Variants in GRB10 observed in about 807,000 individuals in gnomAD.
GRB10 encodes the protein growth factor receptor bound protein 10.
A neutral mutation model predicts 80.9 loss-of-function variants in GRB10; 20 were observed. That is an observed-to-expected ratio of 0.25 (90% CI 0.17 to 0.36). GRB10 has a LOEUF of 0.36. Ranked by LOEUF, GRB10 falls within the 10% of genes least tolerant of loss-of-function variation. GRB10 has a pLI of 1.00. For missense variants in GRB10, 548 were observed against 747.7 expected, an observed-to-expected ratio of 0.73 and a Z score of 3.12; for synonymous variants, 291 against 291.5, an observed-to-expected ratio of 1.00 and a Z score of 0.02.
rs774023350 is a variant in GRB10 at position 50,614,814 on chromosome 7, T to G, written c.1051A>C (p.Arg351=). 2.5e-6 allele frequency: 4 copies of G among 1,614,094 alleles called. No individual in the cohort carries two copies. The South Asian group carries it at 4.4e-5, about 18-fold the overall frequency. Residue 351 remains arginine, a synonymous_variant, in exon 12 of 19, where the codon AGG becomes CGG. Coordinates refer to ENST00000401949, the MANE Select transcript of GRB10 (RefSeq NM_001350814.2). ...DSNIFSLIAG[R]KQYNAPTDHG... is the part of the protein sequence containing the mutation. ...TCTGTAGGGGCGTTGTACTGCTTCCTGCCAGCGATCAGGGAGAAGATGTTG... is the reference window on the plus strand; with the variant it reads ...TCTGTAGGGGCGTTGTACTGCTTCCGGCCAGCGATCAGGGAGAAGATGTTG...
At chr7:50,637,549 G>A (rs964644091) in intron 7 of GRB10, among the ~76,000 whole-genome samples, 6 of 152,038 alleles carry the variant, frequency 3.9e-5, no homozygotes, top group African/African-American at 1.5e-4. Flanking sequence ...AATCATAGAT[G>A]GCACAAACAA....
intron 5 of GRB10, among the ~76,000 whole-genome samples, chr7:50,688,287 A>G (rs1245196792): frequency 1.3e-5 from 2 of 152,242 alleles, no homozygotes; most frequent in Non-Finnish European, 2.9e-5. Context: ...TAAGGAACAT[A>G]AACTGCAAAG....
intron 10 of GRB10, chr7:50,617,865 C>G (rs773477928): frequency 2.8e-4 from 176 of 622,148 alleles, no homozygotes; most frequent in Non-Finnish European, 4.6e-4. Context: ...TTAGAAGGAA[C>G]CCAGCTACAC....
At chr7:50,775,418 T>G (rs895577326) in intron 2 of GRB10, among the ~76,000 whole-genome samples, 1 of 152,156 alleles carries the variant, frequency 6.6e-6, no homozygotes, top group African/African-American at 2.4e-5. Flanking sequence ...ACAGCCCTCA[T>G]AGCAGCTCTC....
chr7:50,768,668 T>C (rs2076635658), intron 2 of GRB10, among the ~76,000 whole-genome samples: 2 of 152,206 alleles, frequency 1.3e-5, no homozygotes, highest in South Asian at 4.1e-4. Context: ...CTTCACCCAT[T>C]GGTCAAGATC....
At chr7:50,628,714 G>C (rs1480250723) in intron 7 of GRB10, among the ~76,000 whole-genome samples, 1 of 152,100 alleles carries the variant, frequency 6.6e-6, no homozygotes, top group East Asian at 1.9e-4. Flanking sequence ...CCACCTACGG[G>C]CCACTTCTCC....
At chr7:50,756,107 G>A (rs1352630965) in intron 2 of GRB10, 51 bp from the exon 3 acceptor site, 4 of 398,454 alleles carry the variant, frequency 1.0e-5, no homozygotes, top group Non-Finnish European at 1.8e-5. Context: ...TTATACAAAT[G>A]AACTTATACT....
At chr7:50,621,061 G>A (rs916318117) in intron 8 of GRB10, among the ~76,000 whole-genome samples, 3 of 152,196 alleles carry the variant, frequency 2.0e-5, no homozygotes, top group African/African-American at 7.2e-5. Flanking sequence ...CAAAGCGAAG[G>A]GCATTTTGTC....
At chr7:50,749,931 C>T (rs1348774401) in intron 3 of GRB10, among the ~76,000 whole-genome samples, 1 of 152,256 alleles carries the variant, frequency 6.6e-6, no homozygotes, top group Non-Finnish European at 1.5e-5. Context: ...ATTCCTCCAT[C>T]TTCCTTTAAT....
At chr7:50,722,053 C>T (rs541542672) in intron 4 of GRB10, among the ~76,000 whole-genome samples, 49 of 152,314 alleles carry the variant, frequency 3.2e-4, no homozygotes, top group African/African-American at 1.0e-3. Flanking sequence ...GCTGAGGAGG[C>T]TGGCCCGGTC....
chr7:50,669,350 G>A (rs1240013929), intron 7 of GRB10, among the ~76,000 whole-genome samples: 8 of 152,172 alleles, frequency 5.3e-5, no homozygotes, highest in Non-Finnish European at 5.9e-5. Context: ...AGGAACTGGC[G>A]TCTCGCACAG....
chr7:50,727,433 C>G (rs1390465680), intron 4 of GRB10, among the ~76,000 whole-genome samples: 1 of 152,164 alleles, frequency 6.6e-6, no homozygotes, highest in Non-Finnish European at 1.5e-5. Context: ...GTCTGCCAAT[C>G]AACTGTTCAT....
At chr7:50,749,560 T>C (rs937327379) in intron 3 of GRB10, among the ~76,000 whole-genome samples, 4 of 152,238 alleles carry the variant, frequency 2.6e-5, no homozygotes, top group Non-Finnish European at 5.9e-5. Context: ...CTTCTATAAA[T>C]AATCTCCAGG....
At chr7:50,716,478 A>G (rs780170246) in intron 4 of GRB10, among the ~76,000 whole-genome samples, 9 of 152,244 alleles carry the variant, frequency 5.9e-5, no homozygotes, top group African/African-American at 2.2e-4. Context: ...AATAAAACCC[A>G]TAACGATAAG....
At chr7:50,759,960 C>A (rs1345056865) in intron 2 of GRB10, among the ~76,000 whole-genome samples, 1 of 152,200 alleles carries the variant, frequency 6.6e-6, no homozygotes, top group African/African-American at 2.4e-5. Context: ...AATGTGTAAA[C>A]AGGCCCAGAC....
chr7:50,776,379 AT>A (rs56983643), intron 2 of GRB10, among the ~76,000 whole-genome samples: 17,015 of 143,208 alleles, frequency 0.12, 3,089 homozygotes, highest in African/African-American at 0.4. Flanking sequence ...CACTCCGCTA[AT>A]TTTTTTTTTT....
At chr7:50,705,032 T>TA in intron 4 of GRB10, 1 of 543,310 alleles carries the variant, frequency 1.8e-6, no homozygotes, top group Middle Eastern at 9.3e-4. Flanking sequence ...ATGTGACTCT[T>TA]AATTTCTGCC....
intron 7 of GRB10, among the ~76,000 whole-genome samples, chr7:50,658,923 G>T (rs2153627007): frequency 6.6e-6 from 1 of 152,334 alleles, no homozygotes; most frequent in African/African-American, 2.4e-5. Flanking sequence ...TTCTCAGACT[G>T]CAGGGGCTGC....
intron 17 of GRB10, among the ~76,000 whole-genome samples, chr7:50,600,478 C>T (rs1167317873): frequency 6.6e-6 from 1 of 152,076 alleles, no homozygotes; most frequent in Admixed American, 6.6e-5. Flanking sequence ...AACCCAAGTG[C>T]ATCTGGGATC....
Sources: allele counts gnomAD v4.1 joint callset (sites outside exome capture counted in the v4.1 genomes callset), GRCh38; gene constraint gnomAD v4.1.1; transcripts MANE v1.5; gene names NCBI Gene and HGNC (gene_info 2026-07-23, HGNC 2026-07-21).